The following FERMT3 variants were observed in gnomAD, a reference collection of about 807,000 sequenced individuals.
FERMT3 encodes the protein fermitin family homolog 3.
FERMT3 carries 33 observed loss-of-function variants against 80.8 expected under a neutral mutation model. The observed-to-expected ratio is 0.41, with a 90% CI of 0.31 to 0.55. FERMT3 has a LOEUF of 0.55. Ranked by LOEUF, FERMT3 falls within the 20% of genes least tolerant of loss-of-function variation. The probability of loss-of-function intolerance (pLI) is 0.31; values close to 1 mark genes in which losing one functional copy is unlikely to be tolerated. For synonymous variants in FERMT3, 375 were observed against 372.2 expected, an observed-to-expected ratio of 1.01 and a Z score of -0.09; for missense variants, 754 against 908.7, an observed-to-expected ratio of 0.83 and a Z score of 2.19.
In FERMT3 at chr11:64,211,622, C is replaced by T. The variant is rs1433361309; in HGVS notation, c.684-23C>T. On this transcript the variant is annotated intron_variant, in intron 5 of 14. Coordinates refer to ENST00000345728, the MANE Select transcript of FERMT3 (RefSeq NM_031471.6). The surrounding 1 kb of genome is among the most constrained non-coding windows in gnomAD (Gnocchi z 4.7). ...ACGGCCGTACCTGGCGCAGCCCTGACTGCTGCTTCTGCCGCGGCCCAGGTG... is the reference window on the plus strand; with the variant it reads ...ACGGCCGTACCTGGCGCAGCCCTGATTGCTGCTTCTGCCGCGGCCCAGGTG... The T allele has an allele frequency of 6.2e-7, 1 of 1,611,740 alleles. No individual in the cohort carries two copies. Among genetic ancestry groups the T allele is most frequent in the East Asian group, 2.2e-5 (1 of 44,868 alleles).
In FERMT3 at chr11:64,219,516, C is replaced by T. The variant is rs1946625923; in HGVS notation, c.895-8C>T. On this transcript the variant is annotated splice_polypyrimidine_tract_variant and splice_region_variant and intron_variant, in intron 7 of 14. Coordinates refer to ENST00000345728, the MANE Select transcript of FERMT3 (RefSeq NM_031471.6). This position sits in a 1 kb window ranked among gnomAD's most constrained non-coding sequence, Gnocchi z 4.0. ...GACTCAGCCCTCCCTGGCTTCATGACCACCTAGTACCACATCAACAAGCTG... is the reference window on the plus strand; with the variant it reads ...GACTCAGCCCTCCCTGGCTTCATGATCACCTAGTACCACATCAACAAGCTG... 1.9e-6 allele frequency: 3 copies of T among 1,598,800 alleles called. No homozygotes were observed. The highest frequency in any genetic ancestry group is 1.3e-5 in the African/African-American group (1 of 74,726).
intron 6 of FERMT3, among the ~76,000 whole-genome samples, chr11:64,212,370 AGTT>A (rs1946461654): frequency 6.6e-6 from 1 of 152,126 alleles, no homozygotes; most frequent in Non-Finnish European, 1.5e-5. Flanking sequence ...AAAACATCGT[AGTT>A]GTCTGAACGC....
At position 64,219,919 on chromosome 11, in the gene FERMT3, C is replaced by T. The variant is rs867531303; in HGVS notation, c.1108C>T (p.Arg370Cys). Residue 370 changes from arginine to cysteine, a missense_variant, in exon 10 of 15, where the codon CGC (arginine) becomes TGC (cysteine). Arg to Cys is a radical substitution (Grantham distance 180). Transcript: ENST00000345728. This position sits in a 1 kb window ranked among gnomAD's most constrained non-coding sequence, Gnocchi z 4.0. Reference protein sequence around the residue: ...RPRKLTLKGYRQHWVVFKETT... With the variant: ...RPRKLTLKGYCQHWVVFKETT... ...CCGGAAGCTGACCCTGAAGGGCTAC[C>T]GCCAACACTGGGTGGTGTTCAAGGA... is the stretch of plus-strand genomic sequence containing the variant. 1.9e-6 allele frequency: 3 copies of T among 1,613,844 alleles called. No homozygotes were observed. The highest frequency in any genetic ancestry group is 2.5e-6 in the Non-Finnish European group (3 of 1,180,022).
In FERMT3 at chr11:64,211,571, C is replaced by G. The variant is rs1257998540; in HGVS notation, c.684-74C>G. 3 of 1,533,984 alleles carry G rather than the reference C, an allele frequency of 2.0e-6. No individual in the cohort carries two copies. The highest frequency in any genetic ancestry group is 2.6e-6 in the Non-Finnish European group (3 of 1,132,134). The stretch of plus-strand genomic sequence containing the variant: ...CCTTTTCTCTGTGTGTGCTTGTCCC[C>G]CCAGCCCAGCCCCCCTCCCCACCCC... On this transcript the variant is annotated intron_variant, in intron 5 of 14. Coordinates refer to ENST00000345728, the MANE Select transcript of FERMT3 (RefSeq NM_031471.6). The surrounding 1 kb of genome is among the most constrained non-coding windows in gnomAD (Gnocchi z 4.7).
At chr11:64,222,238 C>A (rs1946706076) in intron 13 of FERMT3, among the ~76,000 whole-genome samples, 1 of 103,540 alleles carries the variant, frequency 9.7e-6, no homozygotes, top group South Asian at 2.9e-4. Context: ...GAGACTCAGT[C>A]TCAAATAAAT....
intron 14 of FERMT3, 49 bp from the exon 15 acceptor site, chr11:64,223,264 G>A (rs1444265047): frequency 6.2e-7 from 1 of 1,613,054 alleles, no homozygotes. Context: ...GTGGGGCAGG[G>A]GCTGCTCCCT....
chr11:64,219,951 A>G lies in FERMT3; in HGVS notation c.1140A>G (p.Thr380=), dbSNP rs1395272962. Residue 380 remains threonine, a synonymous_variant, in exon 10 of 15, where the codon ACA becomes ACG. Coordinates refer to ENST00000345728, the MANE Select transcript of FERMT3 (RefSeq NM_031471.6). This position sits in a 1 kb window ranked among gnomAD's most constrained non-coding sequence, Gnocchi z 4.0. ...RQHWVVFKET[T]LSYYKSQDEA... ...ACTGGGTGGTGTTCAAGGAGACCAC[A>G]CTGTCCTACTACAAGAGCCAGGACG... 2 of 1,613,692 alleles carry G rather than the reference A, an allele frequency of 1.2e-6. No individual in the cohort carries two copies. The highest frequency in any genetic ancestry group is 1.7e-6 in the Non-Finnish European group (2 of 1,179,998).
Position 64,210,461 on chromosome 11 carries a change from G to T in FERMT3, c.161-150G>T, listed in dbSNP as rs1946411071. On this transcript the variant is annotated intron_variant, in intron 2 of 14. Transcript: ENST00000345728. The surrounding 1 kb of genome is among the most constrained non-coding windows in gnomAD (Gnocchi z 4.3). ...AGAGCCCTGCTGCTGTTACCATGGG[G>T]TAGACCCCAGGCCCGCCCAGGCTGC... is the stretch of plus-strand genomic sequence containing the variant. 1.3e-6 allele frequency: 1 copy of T among 769,098 alleles called. No homozygotes were observed. The highest frequency in any genetic ancestry group is 2.2e-6 in the Non-Finnish European group (1 of 458,838). The allele number at this position is 769,098 out of a possible 1,614,324, so 47.6% of individuals were successfully genotyped here.
rs878954260 is a variant in FERMT3, at chr11:64,223,612, C to T, written c.*120C>T. 5.0e-5 allele frequency: 61 copies of T among 1,212,076 alleles called. No homozygotes were observed. The South Asian group carries it at 7.5e-4, about 15-fold the overall frequency. 75.1% of individuals were successfully genotyped at this position (1,212,076 alleles called of 1,614,324 possible). A position where few individuals can be genotyped will look rare whatever the true frequency, so the allele number is the denominator to read the frequency against. On this transcript the variant is annotated 3_prime_UTR_variant, in exon 15 of 15. Transcript: ENST00000345728. ...GCAGGCACCCAGCTGGGCATTTCACCTGCTGTCACTGACTTTGTGCAGGCC... is the reference window on the plus strand; with the variant it reads ...GCAGGCACCCAGCTGGGCATTTCACTTGCTGTCACTGACTTTGTGCAGGCC...
intron 14 of FERMT3, 35 bp from the exon 15 acceptor site, chr11:64,223,278 C>T: frequency 6.2e-7 from 1 of 1,613,316 alleles, no homozygotes; most frequent in Non-Finnish European, 8.5e-7. Context: ...GCTCCCTTAT[C>T]CCACCCACCA....
intron 13 of FERMT3, 87 bp downstream of exon 13, chr11:64,221,227 G>T: frequency 2.8e-6 from 4 of 1,420,308 alleles, no homozygotes; most frequent in Non-Finnish European, 3.9e-6. Context: ...CCCAAGAGTA[G>T]GTTCTGGACA....
chr11:64,211,131 G>T lies in FERMT3; in HGVS notation c.474G>T (p.Glu158Asp). Residue 158 changes from glutamate (E) to aspartate (D), a missense_variant, in exon 4 of 15, where the codon GAG (glutamate) becomes GAT (aspartate). Transcript: ENST00000345728. The surrounding 1 kb of genome is among the most constrained non-coding windows in gnomAD (Gnocchi z 4.7). ...AGAAGAAGAAAGAGAAGGAGCCAGAGGAAGAGCTCTATGACTTGAGCAAGG... is the reference window on the plus strand; with the variant it reads ...AGAAGAAGAAAGAGAAGGAGCCAGATGAAGAGCTCTATGACTTGAGCAAGG... ...KEKKKKEKEP[E>D]EELYDLSKVV... is the part of the protein sequence containing the mutation. The T allele has an allele frequency of 6.4e-7, 1 of 1,556,586 alleles. No individual in the cohort carries two copies.
At chr11:64,216,353 C>T (rs1472400623) in intron 6 of FERMT3, among the ~76,000 whole-genome samples, 6 of 151,174 alleles carry the variant, frequency 4.0e-5, no homozygotes, top group Non-Finnish European at 5.9e-5. Context: ...TGCACCACCA[C>T]GCCTGGCCTA....
At chr11:64,222,962 G>A in intron 13 of FERMT3, 86 bp from the exon 14 acceptor site, 1 of 1,577,888 alleles carries the variant, frequency 6.3e-7, no homozygotes, top group Non-Finnish European at 8.7e-7. Flanking sequence ...GGAAGGGCTG[G>A]CTCTCCAGCA....
chr11:64,211,611 C>T lies in FERMT3; in HGVS notation c.684-34C>T, dbSNP rs774883980. ...CTCCCCACCCCACGGCCGTACCTGG[C>T]GCAGCCCTGACTGCTGCTTCTGCCG... On this transcript the variant is annotated intron_variant, in intron 5 of 14. Transcript: ENST00000345728. This position sits in a 1 kb window ranked among gnomAD's most constrained non-coding sequence, Gnocchi z 4.7. 71 of 1,606,022 alleles carry T rather than the reference C, an allele frequency of 4.4e-5. 1 individual carries two copies. In the South Asian group the frequency reaches 4.5e-4, roughly 10 times the overall value.
intron 1 of FERMT3, 112 bp from the exon 2 acceptor site, chr11:64,207,239 C>T (rs1202296725): frequency 7.8e-7 from 1 of 1,278,872 alleles, no homozygotes; most frequent in African/African-American, 1.5e-5. Context: ...TCCCGCCCTC[C>T]TTCATGAGCG....
chr11:64,216,652 C>G (rs755956168), intron 6 of FERMT3, among the ~76,000 whole-genome samples: 1 of 150,696 alleles, frequency 6.6e-6, no homozygotes, highest in Non-Finnish European at 1.5e-5. Flanking sequence ...AAAAATTAGC[C>G]GGGCGTGGTG....
At chr11:64,206,999 C>T (rs1202163351) in intron 1 of FERMT3, among the ~76,000 whole-genome samples, 185 bp downstream of exon 1, 6 of 152,214 alleles carry the variant, frequency 3.9e-5, no homozygotes, top group South Asian at 2.1e-4. Context: ...GGCCTGGGTA[C>T]GAAGCCATGG....
chr11:64,223,501 T>C lies in FERMT3; in HGVS notation c.*9T>C, dbSNP rs113412789. 4 of 1,591,870 alleles carry C rather than the reference T, an allele frequency of 2.5e-6. No homozygotes were observed. In the South Asian group the frequency reaches 4.4e-5, roughly 18 times the overall value. On this transcript the variant is annotated 3_prime_UTR_variant, in exon 15 of 15. Coordinates refer to ENST00000345728, the MANE Select transcript of FERMT3 (RefSeq NM_031471.6). ...GCCATGAGGCCTTCTGAGGGCTGTC[T>C]GATTGCCCCTGCCCTGCTCACCACC...
Sources: gnomAD v4.1 joint callset for allele counts (sites outside exome capture counted in the v4.1 genomes callset) on GRCh38, gnomAD v4.1.1 for gene constraint, Gnocchi (gnomAD v3.1) non-coding constraint, MANE v1.5 for transcripts, NCBI Gene and HGNC (gene_info 2026-07-23, HGNC 2026-07-21) for gene names.